The following ZNF526 variants were observed in gnomAD, a reference collection of about 807,000 sequenced individuals.
ZNF526 encodes the protein zinc finger protein 526.
ZNF526 carries 16 observed loss-of-function variants against 32.4 expected under a neutral mutation model. The ratio of observed to expected loss-of-function variants is 0.49; its 90% CI spans 0.33 to 0.75. The LOEUF is 0.75. Ranked by LOEUF, ZNF526 falls within the 30% of genes least tolerant of loss-of-function variation. ZNF526 has a pLI of 0.02. For missense variants in ZNF526, 838 were observed against 920.7 expected (o/e 0.91, Z 1.16); for synonymous variants, 355 against 363.4 (o/e 0.98, Z 0.26).
intron 1 of ZNF526, among the ~76,000 whole-genome samples, chr19:42,223,974 AATATATATAT>A (rs35211089): frequency 0.031 from 3,420 of 110,606 alleles, 174 homozygotes; most frequent in African/African-American, 0.092. Context: ...TCTCTACTAA[AATATATATAT>A]ATATATATAT....
At position 42,225,212 on chromosome 19, in the gene ZNF526, G is replaced by C. The variant is rs764718243; in HGVS notation, c.809G>C (p.Gly270Ala). 6 of 1,614,198 alleles carry C rather than the reference G, an allele frequency of 3.7e-6. 1 individual carries two copies. The South Asian group carries it at 6.6e-5, about 18-fold the overall frequency. ...GTGGGAGGTGACGAGTCCACAGCTG[G>C]CTGGGCTCAGGGCTGCGGGGACTGT... ...DAVGGDESTA[G>A]WAQGCGDCPQ... The change falls in exon 3 of 3, where the codon GGC becomes GCC. Residue 270 changes from glycine to alanine, a missense_variant. Gly to Ala is a moderately conservative substitution (Grantham distance 60, BLOSUM62 0). Coordinates refer to ENST00000301215, the MANE Select transcript of ZNF526 (RefSeq NM_133444.3).
Position 42,226,337 on chromosome 19 carries a change from A to G in ZNF526, c.1934A>G (p.Asp645Gly). 1.9e-6 allele frequency: 3 copies of G among 1,614,200 alleles called. No individual in the cohort carries two copies. The change falls in exon 3 of 3, where the codon GAC becomes GGC. Residue 645 changes from aspartate to glycine, a missense_variant. Asp to Gly is a moderately conservative substitution (Grantham distance 94). Transcript: ENST00000301215. ...ACATCCCAGCCACTGGCGCTTGAGG[A>G]CACCCTGCAGCTGTGCCAGGCTGCA... ...IETSQPLALEDTLQLCQAALG... is the reference protein window; with the variant it reads ...IETSQPLALEGTLQLCQAALG...
chr19:42,223,867 C>T (rs1289040331), intron 1 of ZNF526, among the ~76,000 whole-genome samples: 1 of 145,456 alleles, frequency 6.9e-6, no homozygotes, highest in Non-Finnish European at 1.5e-5. Flanking sequence ...GGGGTGGTGG[C>T]TCACATCTGT....
At chr19:42,221,472 A>C (rs1489907028) in intron 1 of ZNF526, among the ~76,000 whole-genome samples, 1 of 151,826 alleles carries the variant, frequency 6.6e-6, no homozygotes, top group East Asian at 1.9e-4. Flanking sequence ...ATCTCTACTA[A>C]AAATACAAAA....
rs1232736997 is a variant in ZNF526, at chr19:42,227,418, C to T, written c.*1002C>T. On this transcript the variant is annotated 3_prime_UTR_variant, in exon 3 of 3. Coordinates refer to ENST00000301215, the MANE Select transcript of ZNF526 (RefSeq NM_133444.3). ...TACCACTGTATGTGTACTATGATCC[C>T]AACAGGCTTGTGACATAGATTTCAT... The T allele has an allele frequency of 1.2e-5, 2 of 167,112 alleles. No homozygotes were observed. Among genetic ancestry groups the T allele is most frequent in the Non-Finnish European group, 2.9e-5 (2 of 68,126 alleles). 10.4% of individuals were successfully genotyped at this position (167,112 alleles called of 1,614,324 possible).
chr19:42,225,691 A>ACCCCCCCCCCCCCCCC lies in ZNF526; in HGVS notation c.1292_1293insCCCCCCCCCCCCCCCC (p.Ala437SerfsTer38). 6 of 1,000,060 alleles carry ACCCCCCCCCCCCCCCC rather than the reference A, an allele frequency of 6.0e-6. No homozygotes were observed. The highest frequency in any genetic ancestry group is 8.5e-6 in the Non-Finnish European group (6 of 707,284). The allele number at this position is 1,000,060 out of a possible 1,614,324, so 61.9% of individuals were successfully genotyped here. ...AGCTCCCCCAGCTCCAGCGGAGCCC[A>ACCCCCCCCCCCCCCCC]CCCCTCCACCACCACCCCCTGCCCC... On this transcript the variant is annotated frameshift_variant, in exon 3 of 3. Coordinates refer to ENST00000301215, the MANE Select transcript of ZNF526 (RefSeq NM_133444.3). LOFTEE classifies it high-confidence loss of function.
rs1599804916 is a variant in ZNF526, at chr19:42,225,823, T to C, written c.1420T>C (p.Cys474Arg). ...VHGPPERRHR[C>R]GVCGKGFKKL... The stretch of plus-strand genomic sequence containing the variant: ...CGGGCCCCCTGAACGGCGTCACCGC[T>C]GTGGGGTTTGTGGCAAGGGCTTCAA... The change falls in exon 3 of 3, where the codon TGT (cysteine) becomes CGT (arginine). Residue 474 changes from cysteine (C) to arginine (R), a missense_variant. Coordinates refer to ENST00000301215, the MANE Select transcript of ZNF526 (RefSeq NM_133444.3). 2 of 1,613,958 alleles carry C rather than the reference T, an allele frequency of 1.2e-6. No homozygotes were observed. Among genetic ancestry groups the C allele is most frequent in the Non-Finnish European group, 1.7e-6 (2 of 1,180,018 alleles).
rs764720592 is a variant in ZNF526 at position 42,225,265 on chromosome 19, C to A, written c.862C>A (p.Arg288Ser). 1.2e-6 allele frequency: 2 copies of A among 1,613,518 alleles called. No individual in the cohort carries two copies. Among genetic ancestry groups the A allele is most frequent in the South Asian group, 2.2e-5 (2 of 91,070 alleles). Residue 288 changes from arginine (R) to serine (S), a missense_variant, in exon 3 of 3, where the codon CGC (arginine) becomes AGC (serine). Arg to Ser is a moderately radical substitution (Grantham distance 110). Coordinates refer to ENST00000301215, the MANE Select transcript of ZNF526 (RefSeq NM_133444.3). ...CCAGCACCAGCCCTCAGCAGGGGCT[C>A]GCCGGCAACACCGGCGGACGGCTCA... ...CPQHQPSAGARRQHRRTAHSP... is the reference protein window; with the variant it reads ...CPQHQPSAGASRQHRRTAHSP...
In ZNF526 at chr19:42,225,725, A is replaced by G. The variant is rs1339361448; in HGVS notation, c.1322A>G (p.Gln441Arg). The G allele has an allele frequency of 1.2e-6, 1 of 852,028 alleles. No homozygotes were observed. The highest frequency in any genetic ancestry group is 5.6e-5 in the East Asian group (1 of 17,948). The allele number at this position is 852,028 out of a possible 1,614,324, so 52.8% of individuals were successfully genotyped here. ...CCACCACCCCCTGCCCCACCTGCCCAGCTGCCCTGCCCACAGTGCTCCAAG... is the reference window on the plus strand; with the variant it reads ...CCACCACCCCCTGCCCCACCTGCCCGGCTGCCCTGCCCACAGTGCTCCAAG... ...PPPPPPAPPA[Q>R]LPCPQCSKSF... The change falls in exon 3 of 3, where the codon CAG becomes CGG. Residue 441 changes from glutamine (Q) to arginine (R), a missense_variant. Coordinates refer to ENST00000301215, the MANE Select transcript of ZNF526 (RefSeq NM_133444.3).
chr19:42,224,474 C>T lies in ZNF526; in HGVS notation c.71C>T (p.Thr24Ile), dbSNP rs2036152795. ...TCACCAGGGGCAGTGGAGATGTCAA[C>T]ACCTATGTCGGCAGAGATGATGGAG... is the stretch of plus-strand genomic sequence containing the variant. ...QMSPGAVEMS[T>I]PMSAEMMEMS... The change falls in exon 3 of 3, where the codon ACA (threonine) becomes ATA (isoleucine). Residue 24 changes from threonine to isoleucine, a missense_variant. By Grantham distance (89) the Thr-to-Ile change is moderately conservative (BLOSUM62 -1). Transcript: ENST00000301215. 3.7e-6 allele frequency: 6 copies of T among 1,614,072 alleles called. No individual in the cohort carries two copies. The East Asian group carries it at 6.7e-5, about 18-fold the overall frequency.
intron 1 of ZNF526, among the ~76,000 whole-genome samples, chr19:42,223,974 A>AAT (rs35211089): frequency 0.059 from 6,525 of 110,408 alleles, 246 homozygotes; most frequent in East Asian, 0.085. Context: ...TCTCTACTAA[A>AAT]ATATATATAT....
At position 42,224,284 on chromosome 19, in the gene ZNF526, A is replaced by T; in HGVS notation, c.-39A>T. On this transcript the variant is annotated 5_prime_UTR_variant, in exon 2 of 3. It removes the in-frame stop codon of an upstream open reading frame in the 5' UTR. Transcript: ENST00000301215. ...AAGACTGAAGCAGAAACAGTGGATT[A>T]AGACTTCCTGAGCGATAGCTGGTGA... is the stretch of plus-strand genomic sequence containing the variant. 1 of 853,960 alleles carries T rather than the reference A, an allele frequency of 1.2e-6. No homozygotes were observed. Among genetic ancestry groups the T allele is most frequent in the Non-Finnish European group, 1.9e-6 (1 of 518,268 alleles). The allele number at this position is 853,960 out of a possible 1,614,324, so 52.9% of individuals were successfully genotyped here.
rs1599805364 is a variant in ZNF526 at position 42,226,100 on chromosome 19, G to A, written c.1697G>A (p.Gly566Asp). 1 of 1,606,134 alleles carries A rather than the reference G, an allele frequency of 6.2e-7. No homozygotes were observed. Among genetic ancestry groups the A allele is most frequent in the East Asian group, 2.2e-5 (1 of 44,890 alleles). ...FARAPRLPIT[G>D]LYNKSPYYCG... is the part of the protein sequence containing the mutation. Reference sequence around the variant, plus strand: ...CGCGCCCCCCGCCTCCCCATCACTGGTCTCTACAACAAGAGTCCCTACTAC... The same window carrying A: ...CGCGCCCCCCGCCTCCCCATCACTGATCTCTACAACAAGAGTCCCTACTAC... Residue 566 changes from glycine (G) to aspartate (D), a missense_variant, in exon 3 of 3, where the codon GGT (glycine) becomes GAT (aspartate). By Grantham distance (94) the Gly-to-Asp change is moderately conservative. Transcript: ENST00000301215.
At position 42,225,905 on chromosome 19, in the gene ZNF526, A is replaced by G; in HGVS notation, c.1502A>G (p.Gln501Arg). The change falls in exon 3 of 3, where the codon CAG becomes CGG. Residue 501 changes from glutamine to arginine, a missense_variant. Coordinates refer to ENST00000301215, the MANE Select transcript of ZNF526 (RefSeq NM_133444.3). The stretch of plus-strand genomic sequence containing the variant: ...ACACACACGGGTGAGAGGCCCTTCC[A>G]GTGCCACTCATGTGGCAAGACCTTT... Reference protein sequence around the residue: ...LRTHTGERPFQCHSCGKTFAS... With the variant: ...LRTHTGERPFRCHSCGKTFAS... The G allele has an allele frequency of 6.2e-7, 1 of 1,614,192 alleles. No individual in the cohort carries two copies. The highest frequency in any genetic ancestry group is 2.2e-5 in the East Asian group (1 of 44,888).
In ZNF526 at chr19:42,225,502, C is replaced by T. The variant is rs148408615; in HGVS notation, c.1099C>T (p.Arg367Cys). The change falls in exon 3 of 3, where the codon CGC becomes TGC. Residue 367 changes from arginine (R) to cysteine (C), a missense_variant. Arg to Cys is a radical substitution (Grantham distance 180). Transcript: ENST00000301215. ...CCGCTACCTCTGTGTAGACTGTGGCCGCGGCTTTGGCACAGAACTCACGTT... is the reference window on the plus strand; with the variant it reads ...CCGCTACCTCTGTGTAGACTGTGGCTGCGGCTTTGGCACAGAACTCACGTT... The part of the protein sequence containing the change: ...EARYLCVDCG[R>C]GFGTELTLVA... 39 of 1,613,866 alleles carry T rather than the reference C, an allele frequency of 2.4e-5. No homozygotes were observed. Among genetic ancestry groups the T allele is most frequent in the African/African-American group, 1.7e-4 (13 of 74,928 alleles).
In ZNF526 at chr19:42,224,244, G is replaced by T. The variant is rs977611006; in HGVS notation, c.-79G>T. On this transcript the variant is annotated 5_prime_UTR_variant, in exon 2 of 3. Coordinates refer to ENST00000301215, the MANE Select transcript of ZNF526 (RefSeq NM_133444.3). ...CCGTGGGGTGTGTGTAGGCTTCAGA[G>T]ACATGGGATCACGGAAGACTGAAGC... 1 of 697,302 alleles carries T rather than the reference G, an allele frequency of 1.4e-6. No homozygotes were observed. Among genetic ancestry groups the T allele is most frequent in the African/African-American group, 1.7e-5 (1 of 57,184 alleles). 43.2% of individuals were successfully genotyped at this position (697,302 alleles called of 1,614,324 possible).
In ZNF526 at chr19:42,225,094, T is replaced by C; in HGVS notation, c.691T>C (p.Leu231=). 1 of 1,613,654 alleles carries C rather than the reference T, an allele frequency of 6.2e-7. No individual in the cohort carries two copies. Among genetic ancestry groups the C allele is most frequent in the Non-Finnish European group, 8.5e-7 (1 of 1,179,884 alleles). ...CCTAGAGAAAGAGGAGCGCAATGGG[T>C]TGGAGGAGGAGGAAGAGGACGATGA... The part of the protein sequence containing the change: ...DSLEKEERNG[L]EEEEEDDEED... The change falls in exon 3 of 3, where the codon TTG becomes CTG. Residue 231 remains leucine (L), a synonymous_variant. Transcript: ENST00000301215.
intron 1 of ZNF526, 50 bp from the exon 2 acceptor site, chr19:42,224,165 A>G: frequency 7.3e-6 from 2 of 274,318 alleles, no homozygotes; most frequent in South Asian, 9.4e-5. Flanking sequence ...TCTCAGAAGA[A>G]AAAAAAAAAA....
In ZNF526 at chr19:42,226,524, C is replaced by T; in HGVS notation, c.*108C>T. The stretch of plus-strand genomic sequence containing the variant: ...AACTGGTCTGGTACCCACCATGTGC[C>T]AGGATCCACCCTGGCCTCTTTTTAC... On this transcript the variant is annotated 3_prime_UTR_variant, in exon 3 of 3. Coordinates refer to ENST00000301215, the MANE Select transcript of ZNF526 (RefSeq NM_133444.3). 6.7e-7 allele frequency: 1 copy of T among 1,497,824 alleles called. No homozygotes were observed. The highest frequency in any genetic ancestry group is 1.1e-5 in the South Asian group (1 of 87,254). The allele number at this position is 1,497,824 out of a possible 1,614,324, so 92.8% of individuals were successfully genotyped here.
Sources: gnomAD v4.1 joint callset for allele counts (sites outside exome capture counted in the v4.1 genomes callset) on GRCh38, gnomAD v4.1.1 for gene constraint, MANE v1.5 for transcripts, NCBI Gene and HGNC (gene_info 2026-07-23, HGNC 2026-07-21) for gene names.